PRDM16: variants seen among roughly 807,000 people sequenced by gnomAD.
PRDM16 encodes PR/SET domain 16, also known as histone-lysine N-methyltransferase PRDM16.
Under a neutral mutation model 110.6 loss-of-function variants are expected in PRDM16, and 23 were observed. That is an observed-to-expected ratio of 0.21 (90% CI 0.15 to 0.29). The LOEUF (loss-of-function observed/expected upper bound fraction) is 0.29, where lower values mean the gene tolerates loss of function less well. PRDM16 is among the 10% of genes least tolerant of loss of function. The pLI is 1.00. For synonymous variants in PRDM16, 799 were observed against 781.8 expected, an observed-to-expected ratio of 1.02 and a Z score of -0.37; for missense variants, 1,615 against 1,794.3, an observed-to-expected ratio of 0.90 and a Z score of 1.81.
At position 3,243,194 on chromosome 1, in the gene PRDM16, AGCCC is replaced by A. The variant is rs140165337; in HGVS notation, c.388-890_388-887del. Reference sequence around the variant, plus strand: ...GGGTGGGAGCTCCTGTGTGGCCCACAGCCCGCTGCTGGGGGTCCTCAGTGGCCAC... The same window carrying A: ...GGGTGGGAGCTCCTGTGTGGCCCACAGCTGCTGGGGGTCCTCAGTGGCCAC... On this transcript the variant is annotated intron_variant, in intron 2 of 16. Coordinates refer to ENST00000270722, the MANE Select transcript of PRDM16 (RefSeq NM_022114.4). This position sits in a 1 kb window ranked among gnomAD's most constrained non-coding sequence, Gnocchi z 5.5. Among the ~76,000 whole-genome samples the A allele has an allele frequency of 8.1e-3, 1,234 of 152,298 alleles. 14 individuals carry two copies. Among genetic ancestry groups the A allele is most frequent in the African/African-American group, 0.028 (1,173 of 41,562 alleles).
intron 3 of PRDM16, among the ~76,000 whole-genome samples, chr1:3,304,831 C>T (rs1478218364): frequency 6.6e-6 from 1 of 152,162 alleles, no homozygotes; most frequent in Admixed American, 6.5e-5. Context: ...GCCTCCTCCT[C>T]CTCAGCCCTA....
At chr1:3,198,443 G>A (rs1273786339) in intron 2 of PRDM16, among the ~76,000 whole-genome samples, 1 of 152,264 alleles carries the variant, frequency 6.6e-6, no homozygotes, top group Admixed American at 6.5e-5. Flanking sequence ...CTGCCAGGAT[G>A]CCGTGAGTGT....
intron 1 of PRDM16, among the ~76,000 whole-genome samples, chr1:3,111,999 G>A (rs1277861767): frequency 1.3e-5 from 2 of 152,226 alleles, no homozygotes; most frequent in South Asian, 4.1e-4. Context: ...GACCGGCCTT[G>A]ATAAATGTCA....
chr1:3,116,563 G>T (rs1642964890), intron 1 of PRDM16, among the ~76,000 whole-genome samples: 1 of 152,166 alleles, frequency 6.6e-6, no homozygotes, highest in Admixed American at 6.5e-5. Context: ...GCAGTGCCTG[G>T]TCTGCTCAGC....
intron 3 of PRDM16, among the ~76,000 whole-genome samples, chr1:3,288,410 A>G (rs554855229): frequency 3.5e-4 from 54 of 152,230 alleles, no homozygotes; most frequent in South Asian, 2.5e-3. Context: ...TCTGGGCTCT[A>G]TGTCCCACGG....
Position 3,262,069 on chromosome 1 carries a change from C to T in PRDM16, c.438+17932C>T, listed in dbSNP as rs187433269. On this transcript the variant is annotated intron_variant, in intron 3 of 16. Coordinates refer to ENST00000270722, the MANE Select transcript of PRDM16 (RefSeq NM_022114.4). Reference sequence around the variant, plus strand: ...AGTCGGCTTGTTTATTTGACTAATGCGCCCTCAGGCACTTGTGCTTTTAGC... The same window carrying T: ...AGTCGGCTTGTTTATTTGACTAATGTGCCCTCAGGCACTTGTGCTTTTAGC... 2.6e-5 allele frequency among the ~76,000 whole-genome samples: 4 copies of T among 152,348 alleles called. No individual in the cohort carries two copies. In the South Asian group the frequency reaches 6.2e-4, roughly 24 times the overall value.
intron 3 of PRDM16, among the ~76,000 whole-genome samples, chr1:3,250,887 G>C (rs1298319631): frequency 6.6e-6 from 1 of 152,236 alleles, no homozygotes; most frequent in Non-Finnish European, 1.5e-5. Context: ...AGGCCCTGCA[G>C]AAGTGGGGCT....
At chr1:3,126,237 TCGC>T (rs1161116430) in intron 1 of PRDM16, among the ~76,000 whole-genome samples, 6 of 152,164 alleles carry the variant, frequency 3.9e-5, no homozygotes, top group Non-Finnish European at 8.8e-5. Context: ...CCCGCAGCTC[TCGC>T]CGCCGCCGCA....
intron 8 of PRDM16, 124 bp downstream of exon 8, chr1:3,405,772 A>T (rs187151343): frequency 4.1e-6 from 4 of 986,108 alleles, no homozygotes; most frequent in Non-Finnish European, 4.3e-6. Context: ...TTCATAAAGC[A>T]CTCATGGCAG....
At chr1:3,172,265 C>T (rs1294719864) in intron 1 of PRDM16, among the ~76,000 whole-genome samples, 1 of 152,142 alleles carries the variant, frequency 6.6e-6, no homozygotes, top group Non-Finnish European at 1.5e-5. Flanking sequence ...GTGGAAGTGG[C>T]TTTACCCCAC....
At chr1:3,088,343 A>G (rs1326681793) in intron 1 of PRDM16, among the ~76,000 whole-genome samples, 2 of 152,188 alleles carry the variant, frequency 1.3e-5, no homozygotes, top group Admixed American at 6.5e-5. Context: ...GTTGCATTCA[A>G]TCAGGGAGCT....
Position 3,246,881 on chromosome 1 carries a change from G to A in PRDM16, c.438+2744G>A, listed in dbSNP as rs938772042. ...AAAGGCAAAGTCTTCAGACTCGGGG[G>A]CCAGGAAGACCAGGACAGACAGCCC... On this transcript the variant is annotated intron_variant, in intron 3 of 16. Transcript: ENST00000270722. The surrounding 1 kb of genome is among the most constrained non-coding windows in gnomAD (Gnocchi z 5.2). 2.0e-5 allele frequency among the ~76,000 whole-genome samples: 3 copies of A among 152,116 alleles called. No homozygotes were observed. The highest frequency in any genetic ancestry group is 4.4e-5 in the Non-Finnish European group (3 of 68,028).
chr1:3,158,671 T>C (rs1569716589), intron 1 of PRDM16, among the ~76,000 whole-genome samples: 1 of 147,884 alleles, frequency 6.8e-6, no homozygotes, highest in Non-Finnish European at 1.5e-5. Flanking sequence ...TTTTCTCTCT[T>C]TCTTTCTTTC....
intron 15 of PRDM16, among the ~76,000 whole-genome samples, 179 bp from the exon 16 acceptor site, chr1:3,431,787 C>T (rs1638776269): frequency 2.0e-5 from 3 of 152,398 alleles, no homozygotes; most frequent in South Asian, 4.1e-4. Flanking sequence ...CACTCTCCTG[C>T]ATCCGTGTGC....
intron 3 of PRDM16, among the ~76,000 whole-genome samples, chr1:3,277,777 G>GCACATGCA (rs1640623330): frequency 2.1e-5 from 2 of 97,012 alleles, no homozygotes; most frequent in Middle Eastern, 5.1e-3. Context: ...GCACACACAC[G>GCACATGCA]CACACATATG....
chr1:3,188,592 A>G (rs1161095536), intron 2 of PRDM16, among the ~76,000 whole-genome samples: 1 of 152,206 alleles, frequency 6.6e-6, no homozygotes, highest in Non-Finnish European at 1.5e-5. Context: ...GCCGGCGCTT[A>G]GAAATATTTA....
At chr1:3,409,372 G>A (rs1288507767) in intron 8 of PRDM16, among the ~76,000 whole-genome samples, 1 of 152,150 alleles carries the variant, frequency 6.6e-6, no homozygotes, top group Non-Finnish European at 1.5e-5. Context: ...CAGCCCTCCA[G>A]AGAGGGCAGA....
Position 3,284,293 on chromosome 1 carries a change from C to T in PRDM16, c.438+40156C>T, listed in dbSNP as rs79637680. On this transcript the variant is annotated intron_variant, in intron 3 of 16. Transcript: ENST00000270722. ...ATAAAGAGTCAAACGTTTTCGGCCCCTGTCTGGCTTTTTATGTAAACTGAG... is the reference window on the plus strand; with the variant it reads ...ATAAAGAGTCAAACGTTTTCGGCCCTTGTCTGGCTTTTTATGTAAACTGAG... Among the ~76,000 whole-genome samples the T allele has an allele frequency of 8.1e-3, 1,240 of 152,366 alleles. 28 individuals are homozygous for T. The highest frequency in any genetic ancestry group is 0.028 in the African/African-American group (1,184 of 41,580).
intron 4 of PRDM16, among the ~76,000 whole-genome samples, chr1:3,389,856 G>A (rs1023170450): frequency 3.9e-5 from 6 of 152,076 alleles, no homozygotes; most frequent in Admixed American, 6.5e-5. Flanking sequence ...GTCAGAAGTC[G>A]TCGTGGGGGA....
Sources: gnomAD v4.1 joint callset for allele counts (sites outside exome capture counted in the v4.1 genomes callset) on GRCh38, gnomAD v4.1.1 for gene constraint, Gnocchi (gnomAD v3.1) non-coding constraint, MANE v1.5 for transcripts, NCBI Gene and HGNC (gene_info 2026-07-23, HGNC 2026-07-21) for gene names.